The following KDSR variants were observed in gnomAD, a reference collection of about 807,000 sequenced individuals.
KDSR encodes 3-dehydrosphinganine reductase.
KDSR carries 23 observed loss-of-function variants against 41.3 expected under a neutral mutation model. The observed-to-expected ratio is 0.56, with a 90% CI of 0.40 to 0.79. The LOEUF (loss-of-function observed/expected upper bound fraction) is 0.79. KDSR is among the 30% of genes least tolerant of loss of function. The pLI is 0.00. For missense variants in KDSR, 351 were observed against 416.8 expected (o/e 0.84, Z 1.37); for synonymous variants, 138 against 151.7 (o/e 0.91, Z 0.66).
chr18:63,359,750 T>C lies in KDSR; in HGVS notation c.241A>G (p.Ile81Val), dbSNP rs1015488585. Residue 81 changes from isoleucine to valine, a missense_variant, in exon 3 of 10, where the codon ATT (isoleucine) becomes GTT (valine). Transcript: ENST00000645214. Reference protein sequence around the residue: ...QAKKEIEMHSINDKQVVLCIS... With the variant: ...QAKKEIEMHSVNDKQVVLCIS... ...CAGAGATTTACCTGTTTGTCATTAATAGAGTGCATTTCAATTTCTTTCTTT... is the reference window on the plus strand; with the variant it reads ...CAGAGATTTACCTGTTTGTCATTAACAGAGTGCATTTCAATTTCTTTCTTT... 4 of 1,605,532 alleles carry C rather than the reference T, an allele frequency of 2.5e-6. No individual in the cohort carries two copies. Among genetic ancestry groups the C allele is most frequent in the Non-Finnish European group, 3.4e-6 (4 of 1,173,286 alleles).
intron 7 of KDSR, among the ~76,000 whole-genome samples, chr18:63,339,928 A>G (rs1914296547): frequency 6.6e-6 from 1 of 152,240 alleles, no homozygotes; most frequent in Non-Finnish European, 1.5e-5. Flanking sequence ...TTCTTAAAAT[A>G]GGAAAGTAAA....
intron 9 of KDSR, among the ~76,000 whole-genome samples, chr18:63,333,693 T>C (rs974004000): frequency 6.6e-6 from 1 of 152,148 alleles, no homozygotes; most frequent in Non-Finnish European, 1.5e-5. Flanking sequence ...AACCTAATTT[T>C]AAAACTATTT....
chr18:63,337,113 A>ATAT (rs1555713254), intron 8 of KDSR, among the ~76,000 whole-genome samples: 1,985 of 127,302 alleles, frequency 0.016, 118 homozygotes, highest in Middle Eastern at 0.022. Flanking sequence ...TATATATGTG[A>ATAT]ATATATATAT....
Position 63,331,294 on chromosome 18 carries a change from CAG to C in KDSR, c.*486_*487del, listed in dbSNP as rs1913984575. The C allele has an allele frequency of 6.1e-5, 5 of 81,772 alleles. No individual in the cohort carries two copies. The highest frequency in any genetic ancestry group is 2.4e-4 in the Admixed American group (1 of 4,196). 5.1% of individuals were successfully genotyped at this position (81,772 alleles called of 1,614,324 possible). A position where few individuals can be genotyped will look rare whatever the true frequency, so the allele number is the denominator to read the frequency against. ...AGAGAGAGAGAGAGAGACAGAGAGA[CAG>C]AGAGACAGAGAGACAGAGAGACAGA... On this transcript the variant is annotated 3_prime_UTR_variant, in exon 10 of 10. Transcript: ENST00000645214.
chr18:63,336,956 T>C (rs1005497335), intron 8 of KDSR, among the ~76,000 whole-genome samples: 1 of 152,048 alleles, frequency 6.6e-6, no homozygotes, highest in Non-Finnish European at 1.5e-5. Flanking sequence ...CAGCTGTTAA[T>C]GCAGACCTTA....
At chr18:63,363,621 T>C (rs541793768) in intron 1 of KDSR, among the ~76,000 whole-genome samples, 1 of 152,238 alleles carries the variant, frequency 6.6e-6, no homozygotes, top group East Asian at 1.9e-4. Context: ...CAGTCTATCA[T>C]TGTTGGACAT....
intron 7 of KDSR, among the ~76,000 whole-genome samples, chr18:63,341,404 ATT>A (rs1377698853): frequency 1.3e-5 from 2 of 152,098 alleles, no homozygotes; most frequent in Non-Finnish European, 2.9e-5. Context: ...AGAAATAAAG[ATT>A]TCAACAAAAA....
At chr18:63,342,216 A>G (rs1009914372) in intron 7 of KDSR, among the ~76,000 whole-genome samples, 9 of 152,060 alleles carry the variant, frequency 5.9e-5, no homozygotes, top group Non-Finnish European at 1.0e-4. Context: ...GCATTTTCAG[A>G]CATGTTGTTT....
chr18:63,358,235 A>G (rs1914859701), intron 3 of KDSR, among the ~76,000 whole-genome samples: 1 of 152,152 alleles, frequency 6.6e-6, no homozygotes, highest in Non-Finnish European at 1.5e-5. Flanking sequence ...CATAAGAAGC[A>G]TAAAGAAGGA....
Position 63,355,284 on chromosome 18 carries a change from C to G in KDSR, c.337G>C (p.Gly113Arg), listed in dbSNP as rs746512612. 6.2e-7 allele frequency: 1 copy of G among 1,614,054 alleles called. No individual in the cohort carries two copies. Among genetic ancestry groups the G allele is most frequent in the Non-Finnish European group, 8.5e-7 (1 of 1,179,952 alleles). Residue 113 changes from glycine to arginine, a missense_variant, in exon 5 of 10, where the codon GGT becomes CGT. Gly to Arg is a moderately radical substitution (Grantham distance 125, BLOSUM62 -2). Transcript: ENST00000645214. The part of the protein sequence containing the change: ...NVIKQAQEKL[G>R]PVDMLVNCAG... ...CAATTTACCAGCATGTCCACTGGAC[C>G]CAGTTTCTCCTGTGCCTAGAAAAAT...
intron 5 of KDSR, among the ~76,000 whole-genome samples, chr18:63,354,748 TA>T (rs1213905604): frequency 6.6e-6 from 1 of 152,230 alleles, no homozygotes; most frequent in East Asian, 1.9e-4. Flanking sequence ...AGTTCCTTGG[TA>T]AACCTGATTA....
intron 1 of KDSR, 24 bp from the exon 2 acceptor site, chr18:63,362,892 C>A: frequency 6.5e-7 from 1 of 1,539,198 alleles, no homozygotes; most frequent in Non-Finnish European, 9.0e-7. Context: ...ATAAAATATT[C>A]TTAGCACTTG....
chr18:63,330,962 A>G lies in KDSR; in HGVS notation c.*820T>C, dbSNP rs968741450. ...GTAAATTCTTAAGCTTCTAGATTTT[A>G]CCGCTCTTCAGAAAACATTTAAGGA... On this transcript the variant is annotated 3_prime_UTR_variant, in exon 10 of 10. Coordinates refer to ENST00000645214, the MANE Select transcript of KDSR (RefSeq NM_002035.4). 9 of 231,142 alleles carry G rather than the reference A, an allele frequency of 3.9e-5. No homozygotes were observed. The highest frequency in any genetic ancestry group is 2.0e-4 in the African/African-American group (9 of 45,202). 14.3% of individuals were successfully genotyped at this position (231,142 alleles called of 1,614,324 possible).
At chr18:63,357,590 A>ATTTT (rs879287574) in intron 3 of KDSR, among the ~76,000 whole-genome samples, 22,905 of 94,176 alleles carry the variant, frequency 0.24, 3,077 homozygotes, top group East Asian at 0.6. Context: ...ATATATATAT[A>ATTTT]TATATTTTTT....
At chr18:63,348,497 A>G (rs547352666) in intron 6 of KDSR, among the ~76,000 whole-genome samples, 1 of 152,272 alleles carries the variant, frequency 6.6e-6, no homozygotes, top group Non-Finnish European at 1.5e-5. Flanking sequence ...CTACATTTTG[A>G]TGACTGCGTT....
intron 7 of KDSR, among the ~76,000 whole-genome samples, chr18:63,340,023 C>T (rs1356152850): frequency 6.6e-6 from 1 of 152,170 alleles, no homozygotes; most frequent in African/African-American, 2.4e-5. Context: ...TTCTTCCAGA[C>T]CCCCAGGCTG....
At chr18:63,364,529 C>T (rs1915079949) in intron 1 of KDSR, among the ~76,000 whole-genome samples, 1 of 151,996 alleles carries the variant, frequency 6.6e-6, no homozygotes, top group East Asian at 1.9e-4. Flanking sequence ...CTGCAACCTC[C>T]GCCTCCCAGG....
intron 1 of KDSR, chr18:63,366,124 A>G (rs1915128860): frequency 6.6e-6 from 1 of 152,202 alleles, no homozygotes; most frequent in Non-Finnish European, 1.5e-5. Flanking sequence ...GCTCGTGAGA[A>G]AGCCACTGCA....
intron 1 of KDSR, among the ~76,000 whole-genome samples, chr18:63,363,613 G>T (rs949547366): frequency 1.3e-5 from 2 of 151,644 alleles, no homozygotes; most frequent in Non-Finnish European, 2.9e-5. Context: ...TCTTAATCCA[G>T]TCTATCATTG....
Sources: allele counts gnomAD v4.1 joint callset (sites outside exome capture counted in the v4.1 genomes callset), GRCh38; gene constraint gnomAD v4.1.1; transcripts MANE v1.5; gene names NCBI Gene and HGNC (gene_info 2026-07-23, HGNC 2026-07-21).